HP1BP3: variants seen among roughly 807,000 people sequenced by gnomAD.
HP1BP3 encodes heterochromatin protein 1-binding protein 3.
HP1BP3 carries 12 observed loss-of-function variants against 62.5 expected under a neutral mutation model. The ratio of observed to expected loss-of-function variants is 0.19; its 90% CI spans 0.12 to 0.31. HP1BP3 has a LOEUF of 0.31. Ranked by LOEUF, HP1BP3 falls within the 10% of genes least tolerant of loss-of-function variation. The pLI is 1.00. For missense variants in HP1BP3, 502 were observed against 651.8 expected (o/e 0.77, Z 2.50); for synonymous variants, 260 against 237.8 (o/e 1.09, Z -0.86).
intron 9 of HP1BP3, among the ~76,000 whole-genome samples, chr1:20,752,459 T>C (rs1177005879): frequency 6.6e-6 from 1 of 151,816 alleles, no homozygotes; most frequent in Non-Finnish European, 1.5e-5. Flanking sequence ...ACCTGGCTAA[T>C]TTTTGTATTT....
At chr1:20,762,505 C>T (rs1180908072) in intron 8 of HP1BP3, among the ~76,000 whole-genome samples, 1 of 152,138 alleles carries the variant, frequency 6.6e-6, no homozygotes, top group Admixed American at 6.5e-5. Flanking sequence ...TAATCACAAA[C>T]CCTAATCACG....
intron 1 of HP1BP3, chr1:20,786,063 C>A (rs1415778626): frequency 6.6e-6 from 1 of 152,090 alleles, no homozygotes; most frequent in African/African-American, 2.4e-5. Context: ...CACGCGGATG[C>A]GGCAGCACAG....
At chr1:20,754,661 C>T (rs886371152) in intron 9 of HP1BP3, among the ~76,000 whole-genome samples, 3 of 151,960 alleles carry the variant, frequency 2.0e-5, no homozygotes, top group African/African-American at 4.8e-5. Context: ...ACTCAGAATC[C>T]GGAAATAAAC....
intron 1 of HP1BP3, among the ~76,000 whole-genome samples, chr1:20,783,929 C>T (rs1221978037): frequency 1.4e-4 from 22 of 152,162 alleles, no homozygotes; most frequent in Admixed American, 1.4e-3. Flanking sequence ...CATTACAGAG[C>T]TAAGTATATG....
chr1:20,771,167 A>G (rs2057041256), intron 5 of HP1BP3, 94 bp from the exon 6 acceptor site: 1 of 1,038,798 alleles, frequency 9.6e-7, no homozygotes, highest in South Asian at 1.5e-5. Context: ...GAATTTGATG[A>G]TAGATGACAA....
intron 8 of HP1BP3, among the ~76,000 whole-genome samples, chr1:20,761,098 G>A (rs896711455): frequency 1.3e-5 from 2 of 152,112 alleles, no homozygotes; most frequent in African/African-American, 4.8e-5. Context: ...AGGCTGGAGT[G>A]CAGTGGTGTG....
chr1:20,765,618 A>G, intron 7 of HP1BP3, 87 bp from the exon 8 acceptor site: 1 of 1,050,296 alleles, frequency 9.5e-7, no homozygotes, highest in Non-Finnish European at 1.4e-6. Flanking sequence ...GTTGATTACC[A>G]AATTTGTCAA....
rs2055110784 is a variant in HP1BP3, at chr1:20,742,520, T to C, written c.*2277A>G. ...GTATCTGGAAACATCGTTTACCCTC[T>C]ATAAGAATTCCAAAACACATGAACT... On this transcript the variant is annotated 3_prime_UTR_variant, in exon 13 of 13. Coordinates refer to ENST00000438032, the MANE Select transcript of HP1BP3 (RefSeq NM_001372052.1). The C allele has an allele frequency of 6.6e-6, 1 of 152,498 alleles. No homozygotes were observed. The highest frequency in any genetic ancestry group is 2.4e-5 in the African/African-American group (1 of 41,454). 9.4% of individuals were successfully genotyped at this position (152,498 alleles called of 1,614,324 possible).
At chr1:20,773,156 G>T (rs765556846) in intron 5 of HP1BP3, among the ~76,000 whole-genome samples, 1 of 152,136 alleles carries the variant, frequency 6.6e-6, no homozygotes, top group Admixed American at 6.6e-5. Flanking sequence ...TTTGTTCAAT[G>T]AATTAACATT....
intron 5 of HP1BP3, 78 bp from the exon 6 acceptor site, chr1:20,771,151 G>A (rs1315009822): frequency 8.7e-6 from 11 of 1,271,060 alleles, no homozygotes; most frequent in South Asian, 4.2e-5. Flanking sequence ...AAATTATTTT[G>A]GAAGTGAATT....
chr1:20,779,899 T>G lies in HP1BP3; in HGVS notation c.109A>C (p.Ser37Arg). The G allele has an allele frequency of 6.2e-7, 1 of 1,611,618 alleles. No homozygotes were observed. The highest frequency in any genetic ancestry group is 8.5e-7 in the Non-Finnish European group (1 of 1,179,074). Residue 37 changes from serine (S) to arginine (R), a missense_variant, in exon 3 of 13, where the codon AGC (serine) becomes CGC (arginine). Coordinates refer to ENST00000438032, the MANE Select transcript of HP1BP3 (RefSeq NM_001372052.1). Reference protein sequence around the residue: ...ADKLGEKVEDSTMPIRRTVNS... With the variant: ...ADKLGEKVEDRTMPIRRTVNS... ...ACAGTTCGACGAATCGGCATGGTGC[T>G]ATCTTCTACCTTCTAAGAAAAGAGA...
At chr1:20,778,561 G>A (rs1437230659) in intron 3 of HP1BP3, among the ~76,000 whole-genome samples, 1 of 152,178 alleles carries the variant, frequency 6.6e-6, no homozygotes, top group Non-Finnish European at 1.5e-5. Flanking sequence ...GCTTATCCCA[G>A]TGCTGGACAA....
chr1:20,750,210 G>A, intron 9 of HP1BP3: 1 of 207,958 alleles, frequency 4.8e-6, no homozygotes, highest in Non-Finnish European at 9.7e-6. Flanking sequence ...TCTTTTGGCT[G>A]GGTGCTCACA....
At chr1:20,748,349 T>C (rs1318497800) in intron 10 of HP1BP3, among the ~76,000 whole-genome samples, 1 of 152,200 alleles carries the variant, frequency 6.6e-6, no homozygotes, top group Non-Finnish European at 1.5e-5. Context: ...CAGAGACATA[T>C]CCAAAATATA....
At chr1:20,773,344 G>T in intron 5 of HP1BP3, 107 bp downstream of exon 5, 1 of 859,904 alleles carries the variant, frequency 1.2e-6, no homozygotes, top group Non-Finnish European at 1.6e-6. Context: ...AACTCCTTTA[G>T]GAAGCAGAAC....
intron 8 of HP1BP3, among the ~76,000 whole-genome samples, chr1:20,762,478 T>G (rs537276312): frequency 6.6e-6 from 1 of 151,884 alleles, no homozygotes; most frequent in South Asian, 2.1e-4. Flanking sequence ...GAAAAGAAAA[T>G]AAATCTTGGG....
rs1034266053 is a variant in HP1BP3 at position 20,741,063 on chromosome 1, T to G, written c.*3734A>C. On this transcript the variant is annotated 3_prime_UTR_variant, in exon 13 of 13. Transcript: ENST00000438032. ...AAAATCTACATGCTAGAAAGTAATG[T>G]CAACCAGAACCTCTGGGGAAACAGT... is the stretch of plus-strand genomic sequence containing the variant. Among the ~76,000 whole-genome samples, 3 of 152,344 alleles carry G rather than the reference T, an allele frequency of 2.0e-5. No individual in the cohort carries two copies. Among genetic ancestry groups the G allele is most frequent in the Non-Finnish European group, 2.9e-5 (2 of 68,024 alleles).
chr1:20,786,436 G>A (rs541943159), intron 1 of HP1BP3: 1 of 152,452 alleles, frequency 6.6e-6, no homozygotes, highest in East Asian at 1.9e-4. Context: ...AGCGAGGCGA[G>A]GTAGCTACAG....
At chr1:20,780,749 G>A (rs2057506312) in intron 1 of HP1BP3, among the ~76,000 whole-genome samples, 1 of 152,156 alleles carries the variant, frequency 6.6e-6, no homozygotes, top group Non-Finnish European at 1.5e-5. Context: ...CACGGCAGCT[G>A]TTGCACCTTC....
Sources: allele counts gnomAD v4.1 joint callset (sites outside exome capture counted in the v4.1 genomes callset), GRCh38; gene constraint gnomAD v4.1.1; transcripts MANE v1.5; gene names NCBI Gene and HGNC (gene_info 2026-07-23, HGNC 2026-07-21).